Variants in CCDC175 observed in about 807,000 individuals in gnomAD.
CCDC175 encodes the protein coiled-coil domain-containing protein 175.
In CCDC175, 100 loss-of-function variants were observed where a neutral mutation model predicts 114.6. The ratio of observed to expected loss-of-function variants is 0.87; its 90% CI spans 0.74 to 1.03. The LOEUF is 1.03. CCDC175 is among the 50% of genes least tolerant of loss of function. CCDC175 has a pLI of 0.00. For missense variants in CCDC175, 880 were observed against 917.8 expected, an observed-to-expected ratio of 0.96 and a Z score of 0.53; for synonymous variants, 306 against 308.7, an observed-to-expected ratio of 0.99 and a Z score of 0.09.
chr14:59,558,524 G>A (rs767558090), intron 7 of CCDC175, among the ~76,000 whole-genome samples: 23 of 152,188 alleles, frequency 1.5e-4, no homozygotes, highest in Non-Finnish European at 3.2e-4. Context: ...TGGAGTAAGA[G>A]TTGAGTCAGG....
chr14:59,560,958 C>T (rs1417988830), intron 7 of CCDC175, among the ~76,000 whole-genome samples, 161 bp downstream of exon 7: 1 of 152,040 alleles, frequency 6.6e-6, no homozygotes, highest in East Asian at 1.9e-4. Context: ...GAAAAGGTGA[C>T]TCTATAAAGC....
At chr14:59,572,080 C>T (rs967756257) in intron 3 of CCDC175, among the ~76,000 whole-genome samples, 4 of 151,942 alleles carry the variant, frequency 2.6e-5, no homozygotes, top group Non-Finnish European at 4.4e-5. Flanking sequence ...AAATTGGAAA[C>T]ACTTCTAGTC....
chr14:59,547,878 A>G (rs758417669), intron 8 of CCDC175, among the ~76,000 whole-genome samples: 1 of 152,234 alleles, frequency 6.6e-6, no homozygotes, highest in Non-Finnish European at 1.5e-5. Flanking sequence ...TTGTATATTT[A>G]TGGTTTATGT....
At chr14:59,547,050 G>A (rs962709984) in intron 8 of CCDC175, among the ~76,000 whole-genome samples, 6 of 151,918 alleles carry the variant, frequency 3.9e-5, no homozygotes, top group Non-Finnish European at 7.4e-5. Context: ...GACCAGCCTG[G>A]GCAACACAGG....
chr14:59,562,682 G>A (rs904006499), intron 6 of CCDC175, among the ~76,000 whole-genome samples: 6 of 152,046 alleles, frequency 3.9e-5, no homozygotes, highest in Non-Finnish European at 8.8e-5. Flanking sequence ...AGAGATCTTC[G>A]GAGTACAGGC....
intron 3 of CCDC175, among the ~76,000 whole-genome samples, chr14:59,571,633 T>G (rs1333171846): frequency 1.3e-5 from 2 of 152,146 alleles, no homozygotes; most frequent in African/African-American, 4.8e-5. Flanking sequence ...TAACAAGTAT[T>G]GGCAAAGATG....
At position 59,565,459 on chromosome 14, in the gene CCDC175, C is replaced by T. The variant is rs180877500; in HGVS notation, c.492-184G>A. Among the ~76,000 whole-genome samples the T allele has an allele frequency of 7.2e-4, 110 of 152,264 alleles. 1 individual carries two copies. Among genetic ancestry groups the T allele is most frequent in the Admixed American group, 4.8e-3 (73 of 15,292 alleles). Reference sequence around the variant, plus strand: ...GTGGCTCATGCCTGTAATCCTAGCACTTTGGGAGGCCGAGGTGGGCAAATC... The same window carrying T: ...GTGGCTCATGCCTGTAATCCTAGCATTTTGGGAGGCCGAGGTGGGCAAATC... On this transcript the variant is annotated intron_variant, in intron 4 of 19. Coordinates refer to ENST00000537690, the MANE Select transcript of CCDC175 (RefSeq NM_001164399.2).
chr14:59,557,927 A>C (rs1896010898), intron 7 of CCDC175, among the ~76,000 whole-genome samples: 1 of 152,184 alleles, frequency 6.6e-6, no homozygotes, highest in South Asian at 2.1e-4. Context: ...CAAGTTATCA[A>C]AAAATAAGTA....
intron 17 of CCDC175, among the ~76,000 whole-genome samples, chr14:59,520,635 G>A (rs766396974): frequency 3.3e-5 from 5 of 152,092 alleles, no homozygotes; most frequent in Admixed American, 6.6e-5. Flanking sequence ...AATAAAATAT[G>A]GTATATCTAT....
intron 7 of CCDC175, among the ~76,000 whole-genome samples, chr14:59,551,705 A>C (rs1201809057): frequency 6.6e-6 from 1 of 152,178 alleles, no homozygotes; most frequent in Admixed American, 6.5e-5. Context: ...GGGTAAGGGA[A>C]TTCCCTTTCC....
chr14:59,573,133 G>T (rs577155798), intron 2 of CCDC175, among the ~76,000 whole-genome samples: 1 of 152,130 alleles, frequency 6.6e-6, no homozygotes, highest in South Asian at 2.1e-4. Context: ...GAGAAAGAAA[G>T]CTACTTATTA....
chr14:59,521,213 G>T (rs912491341), intron 17 of CCDC175, among the ~76,000 whole-genome samples: 2 of 152,190 alleles, frequency 1.3e-5, no homozygotes, highest in African/African-American at 2.4e-5. Flanking sequence ...GACTGGCTGA[G>T]TCTTCCAAGA....
intron 17 of CCDC175, among the ~76,000 whole-genome samples, chr14:59,517,168 C>T (rs1594984518): frequency 6.6e-6 from 1 of 152,122 alleles, no homozygotes; most frequent in African/African-American, 2.4e-5. Flanking sequence ...TGGGATGTAT[C>T]TCAAAATAAT....
chr14:59,538,169 A>G lies in CCDC175; in HGVS notation c.1492-15T>C, dbSNP rs1452466207. 1.3e-6 allele frequency: 2 copies of G among 1,527,206 alleles called. No individual in the cohort carries two copies. The highest frequency in any genetic ancestry group is 1.8e-6 in the Non-Finnish European group (2 of 1,142,454). 94.6% of individuals were successfully genotyped at this position (1,527,206 alleles called of 1,614,324 possible). ...CTGAAACTGGTCTAATTAGAGAAAAATAAGAATTTGTCATTTCTCTTGTAG... is the reference window on the plus strand; with the variant it reads ...CTGAAACTGGTCTAATTAGAGAAAAGTAAGAATTTGTCATTTCTCTTGTAG... On this transcript the variant is annotated splice_polypyrimidine_tract_variant and intron_variant, in intron 12 of 19. Coordinates refer to ENST00000537690, the MANE Select transcript of CCDC175 (RefSeq NM_001164399.2).
At chr14:59,540,647 A>ATTTTT (rs1894721935) in intron 11 of CCDC175, 28 bp downstream of exon 11, 1 of 1,163,218 alleles carries the variant, frequency 8.6e-7, no homozygotes, top group Non-Finnish European at 1.2e-6. Flanking sequence ...ACACAAATAA[A>ATTTTT]CTTTTTTTTT....
chr14:59,547,584 C>T (rs1025647956), intron 8 of CCDC175, among the ~76,000 whole-genome samples: 1 of 152,148 alleles, frequency 6.6e-6, no homozygotes, highest in Non-Finnish European at 1.5e-5. Context: ...AGTATGACCA[C>T]AATGTAGTGA....
intron 17 of CCDC175, among the ~76,000 whole-genome samples, chr14:59,515,319 T>A (rs1410265655): frequency 6.6e-6 from 1 of 152,194 alleles, no homozygotes; most frequent in Admixed American, 6.5e-5. Context: ...CATAACAATA[T>A]TAGCCTTAAA....
Position 59,517,242 on chromosome 14 carries a change from C to T in CCDC175, c.2098+4332G>A, listed in dbSNP as rs201675545. On this transcript the variant is annotated intron_variant, in intron 17 of 19. Coordinates refer to ENST00000537690, the MANE Select transcript of CCDC175 (RefSeq NM_001164399.2). ...TGAATGGGCAAAAACTGGAAGCATT[C>T]CCTTGGAAAACTGGTACAAGACAGG... Among the ~76,000 whole-genome samples, 6 of 152,180 alleles carry T rather than the reference C, an allele frequency of 3.9e-5. No homozygotes were observed. The East Asian group carries it at 9.6e-4, about 24-fold the overall frequency.
At chr14:59,508,671 G>A (rs1278451744) in intron 19 of CCDC175, among the ~76,000 whole-genome samples, 1 of 151,852 alleles carries the variant, frequency 6.6e-6, no homozygotes, top group Non-Finnish European at 1.5e-5. Flanking sequence ...TCTCCAGTGT[G>A]TATTAGGTGT....
Sources: gnomAD v4.1 joint callset for allele counts (sites outside exome capture counted in the v4.1 genomes callset) on GRCh38, gnomAD v4.1.1 for gene constraint, MANE v1.5 for transcripts, NCBI Gene and HGNC (gene_info 2026-07-23, HGNC 2026-07-21) for gene names.